Variants in POTED observed in about 807,000 individuals in gnomAD.
POTED encodes POTE ankyrin domain family member D.
A neutral mutation model predicts 19.0 loss-of-function variants in POTED; 7 were observed. The observed-to-expected ratio is 0.37, with a 90% confidence interval of 0.21 to 0.69. The LOEUF is 0.69. POTED is among the 30% of genes least tolerant of loss of function. POTED has a pLI of 0.56. For missense variants in POTED, 54 were observed against 278.5 expected (o/e 0.19, Z 5.74); for synonymous variants, 16 against 92.0 (o/e 0.17, Z 4.73).
rs1356741076 is a variant in POTED, at chr21:13,637,292, T to G, written c.1410-2223T>G. 2.8e-5 allele frequency among the ~76,000 whole-genome samples: 2 copies of G among 72,150 alleles called. 1 individual carries two copies. 47.3% of individuals were successfully genotyped at this position (72,150 alleles called of 152,430 possible). Reference sequence around the variant, plus strand: ...ACCACATCCACACCAACATCTGCTGTTTTTTTTATTTTAGTAGTGACCATT... The same window carrying G: ...ACCACATCCACACCAACATCTGCTGGTTTTTTTATTTTAGTAGTGACCATT... On this transcript the variant is annotated intron_variant, in intron 9 of 10. Transcript: ENST00000299443.
At chr21:13,637,004 A>ATATATATATATT (rs1481200854) in intron 9 of POTED, among the ~76,000 whole-genome samples, 252 of 16,470 alleles carry the variant, frequency 0.015, 78 homozygotes, top group Non-Finnish European at 0.022. Context: ...ATATATATAT[A>ATATATATATATT]TTTTTTTTTT....
rs565000593 is a variant in POTED, at chr21:13,645,154, A to C, written c.*3588A>C. Among the ~76,000 whole-genome samples the C allele has an allele frequency of 1.5e-5, 2 of 131,056 alleles. No individual in the cohort carries two copies. The highest frequency in any genetic ancestry group is 4.0e-4 in the East Asian group (2 of 5,040). 86.0% of individuals were successfully genotyped at this position (131,056 alleles called of 152,430 possible). A position where few individuals can be genotyped will look rare whatever the true frequency, so the allele number is the denominator to read the frequency against. ...CCTGAAAGAGATGAGAATGGAACCAACTTGGAAAACACATTTCAGAATATC... is the reference window on the plus strand; with the variant it reads ...CCTGAAAGAGATGAGAATGGAACCACCTTGGAAAACACATTTCAGAATATC... On this transcript the variant is annotated 3_prime_UTR_variant, in exon 11 of 11. Coordinates refer to ENST00000299443, the MANE Select transcript of POTED (RefSeq NM_174981.6).
At chr21:13,637,306 G>T in intron 9 of POTED, among the ~76,000 whole-genome samples, 1 of 70,580 alleles carries the variant, frequency 1.4e-5, no homozygotes, top group Non-Finnish European at 2.4e-5. Context: ...TTTTATTTTA[G>T]TAGTGACCAT....
rs771197788 is a variant in POTED, at chr21:13,610,546, C to T, written c.318C>T (p.Phe106=). Residue 106 remains phenylalanine (F), a synonymous_variant, in exon 1 of 11, where the codon TTC becomes TTT. Coordinates refer to ENST00000299443, the MANE Select transcript of POTED (RefSeq NM_174981.6). ...SKMGKWCCHC[F]PCCRGSGKSN... ...TGGGCAAGTGGTGCTGTCACTGCTT[C>T]CCCTGCTGCAGGGGGAGCGGCAAGA... is the stretch of plus-strand genomic sequence containing the variant. 8 of 1,078,182 alleles carry T rather than the reference C, an allele frequency of 7.4e-6. 3 individuals are homozygous for T. Among genetic ancestry groups the T allele is most frequent in the Non-Finnish European group, 9.6e-6 (8 of 832,060 alleles). The allele number at this position is 1,078,182 out of a possible 1,614,324, so 66.8% of individuals were successfully genotyped here.
rs149752065 is a variant in POTED at position 13,645,103 on chromosome 21, G to A, written c.*3537G>A. Among the ~76,000 whole-genome samples, 485 of 127,234 alleles carry A rather than the reference G, an allele frequency of 3.8e-3. 110 individuals are homozygous for A. Among genetic ancestry groups the A allele is most frequent in the African/African-American group, 0.016 (472 of 29,766 alleles). The allele number at this position is 127,234 out of a possible 152,430, so 83.5% of individuals were successfully genotyped here. On this transcript the variant is annotated 3_prime_UTR_variant, in exon 11 of 11. Transcript: ENST00000299443. ...CTGAGATATATGGGATTATATAAAC[G>A]ACCAAATCTATGACTGATTAATGTA...
Position 13,631,167 on chromosome 21 carries a change from T to G in POTED, c.1409+60T>G, listed in dbSNP as rs1332492925. The G allele has an allele frequency of 2.7e-6, 2 of 748,312 alleles. 1 individual carries two copies. Among genetic ancestry groups the G allele is most frequent in the Non-Finnish European group, 3.7e-6 (2 of 543,944 alleles). 46.4% of individuals were successfully genotyped at this position (748,312 alleles called of 1,614,324 possible). A position where few individuals can be genotyped will look rare whatever the true frequency, so the allele number is the denominator to read the frequency against. The stretch of plus-strand genomic sequence containing the variant: ...ATATGCTGTCAAACTAATCTTAATT[T>G]GGGCTAATATTCATGATGAACAAAT... On this transcript the variant is annotated intron_variant, in intron 9 of 10. Coordinates refer to ENST00000299443, the MANE Select transcript of POTED (RefSeq NM_174981.6).
At chr21:13,634,327 G>T (rs1310372420) in intron 9 of POTED, among the ~76,000 whole-genome samples, 1 of 82,490 alleles carries the variant, frequency 1.2e-5, no homozygotes, top group Non-Finnish European at 2.2e-5. Flanking sequence ...GGAATTGATA[G>T]TCCTGGTTTT....
rs1491152956 is a variant in POTED, at chr21:13,637,005, T to TATATATATATATATATATATA, written c.1410-2510_1410-2509insATATATATATATATATATATA. 3.9e-3 allele frequency among the ~76,000 whole-genome samples: 48 copies of TATATATATATATATATATATA among 12,316 alleles called. 1 individual carries two copies. Among genetic ancestry groups the TATATATATATATATATATATA allele is most frequent in the Non-Finnish European group, 5.3e-3 (38 of 7,216 alleles). 8.1% of individuals were successfully genotyped at this position (12,316 alleles called of 152,430 possible). The stretch of plus-strand genomic sequence containing the variant: ...ACCCAGTCTCAGGTATATATATATA[T>TATATATATATATATATATATA]TTTTTTTTTTTTTTCTTTATTCCAC... On this transcript the variant is annotated intron_variant, in intron 9 of 10. Transcript: ENST00000299443.
intron 9 of POTED, among the ~76,000 whole-genome samples, chr21:13,637,636 C>A (rs1338993007): frequency 2.7e-5 from 2 of 73,500 alleles, no homozygotes; most frequent in Non-Finnish European, 4.7e-5. Flanking sequence ...TTAATTAGGT[C>A]TTTATTTATT....
chr21:13,635,225 TTTGA>T lies in POTED; in HGVS notation c.1409+4121_1409+4124del, dbSNP rs544651178. 3.6e-3 allele frequency among the ~76,000 whole-genome samples: 273 copies of T among 75,846 alleles called. 119 individuals are homozygous for T. The highest frequency in any genetic ancestry group is 0.028 in the African/African-American group (265 of 9,486). The allele number at this position is 75,846 out of a possible 152,430, so 49.8% of individuals were successfully genotyped here. A position where few individuals can be genotyped will look rare whatever the true frequency, so the allele number is the denominator to read the frequency against. ...AAGGGAGTTTATCCTGGATATATTG[TTTGA>T]TTAATTCTCACTTTAAAAATGTTTG... On this transcript the variant is annotated intron_variant, in intron 9 of 10. Coordinates refer to ENST00000299443, the MANE Select transcript of POTED (RefSeq NM_174981.6).
rs1568899672 is a variant in POTED at position 13,640,551 on chromosome 21, T to TG, written c.1534-794_1534-793insG. Among the ~76,000 whole-genome samples the TG allele has an allele frequency of 2.8e-3, 205 of 72,492 alleles. 70 individuals are homozygous for TG. Among genetic ancestry groups the TG allele is most frequent in the African/African-American group, 0.019 (182 of 9,696 alleles). 47.6% of individuals were successfully genotyped at this position (72,492 alleles called of 152,430 possible). On this transcript the variant is annotated intron_variant, in intron 10 of 10. Transcript: ENST00000299443. ...GTGTGTGTGTGTGTGTGTGTGTGTG[T>TG]TTGTGTGTGTGTATTCTAGATGGAG...
intron 6 of POTED, among the ~76,000 whole-genome samples, chr21:13,627,456 A>T (rs57463508): frequency 1.0e-5 from 1 of 98,594 alleles, no homozygotes. Flanking sequence ...AAAAAAACAA[A>T]AAAAAAAAAG....
chr21:13,643,448 AAAG>A lies in POTED; in HGVS notation c.*1883_*1885del, dbSNP rs2011288916. Among the ~76,000 whole-genome samples the A allele has an allele frequency of 2.8e-5, 2 of 70,620 alleles. 1 individual carries two copies. Among genetic ancestry groups the A allele is most frequent in the Non-Finnish European group, 4.9e-5 (2 of 41,210 alleles). 46.3% of individuals were successfully genotyped at this position (70,620 alleles called of 152,430 possible). On this transcript the variant is annotated 3_prime_UTR_variant, in exon 11 of 11. Coordinates refer to ENST00000299443, the MANE Select transcript of POTED (RefSeq NM_174981.6). ...CAGGTCTAAGAGTTCTCTTCGTAAA[AAAG>A]GGGACTTGCTTAAAAAAGAAGTCTG...
At chr21:13,613,948 C>T (rs1433946771) in intron 1 of POTED, among the ~76,000 whole-genome samples, 1 of 96,076 alleles carries the variant, frequency 1.0e-5, no homozygotes, top group African/African-American at 5.0e-5. Context: ...AGGAAAGAAG[C>T]AGGAAATAGA....
chr21:13,634,389 T>C (rs1244045440), intron 9 of POTED, among the ~76,000 whole-genome samples: 1 of 82,264 alleles, frequency 1.2e-5, no homozygotes, highest in Non-Finnish European at 2.2e-5. Flanking sequence ...ATTTAAAGCA[T>C]AAGTCAAATT....
At position 13,610,882 on chromosome 21, in the gene POTED, A is replaced by T; in HGVS notation, c.521+133A>T. 4.0e-6 allele frequency: 3 copies of T among 752,722 alleles called. 1 individual carries two copies. The highest frequency in any genetic ancestry group is 5.3e-6 in the Non-Finnish European group (3 of 567,136). 46.6% of individuals were successfully genotyped at this position (752,722 alleles called of 1,614,324 possible). ...ACACCACCCTGGGTGTGGAAACCTC[A>T]GAGAGGTCAGGGCCCAGGTCCCTTT... is the stretch of plus-strand genomic sequence containing the variant. On this transcript the variant is annotated intron_variant, in intron 1 of 10. Transcript: ENST00000299443.
intron 9 of POTED, among the ~76,000 whole-genome samples, chr21:13,637,910 C>G (rs1289603556): frequency 5.4e-5 from 1 of 18,480 alleles, no homozygotes; most frequent in Non-Finnish European, 8.2e-5. Context: ...TGTAAGTGGC[C>G]TTTTTTCTGA....
chr21:13,645,103 G>T lies in POTED; in HGVS notation c.*3537G>T, dbSNP rs149752065. ...CTGAGATATATGGGATTATATAAACGACCAAATCTATGACTGATTAATGTA... is the reference window on the plus strand; with the variant it reads ...CTGAGATATATGGGATTATATAAACTACCAAATCTATGACTGATTAATGTA... On this transcript the variant is annotated 3_prime_UTR_variant, in exon 11 of 11. Coordinates refer to ENST00000299443, the MANE Select transcript of POTED (RefSeq NM_174981.6). Among the ~76,000 whole-genome samples, 2 of 127,152 alleles carry T rather than the reference G, an allele frequency of 1.6e-5. 1 individual carries two copies. Among genetic ancestry groups the T allele is most frequent in the East Asian group, 4.0e-4 (2 of 4,970 alleles). 83.4% of individuals were successfully genotyped at this position (127,152 alleles called of 152,430 possible). A position where few individuals can be genotyped will look rare whatever the true frequency, so the allele number is the denominator to read the frequency against.
At chr21:13,640,584 C>G (rs1601489395) in intron 10 of POTED, among the ~76,000 whole-genome samples, 1 of 74,802 alleles carries the variant, frequency 1.3e-5, no homozygotes. Context: ...GAGTCTTGCA[C>G]TGTCACCCAC....
Sources: allele counts gnomAD v4.1 joint callset (sites outside exome capture counted in the v4.1 genomes callset), GRCh38; gene constraint gnomAD v4.1.1; transcripts MANE v1.5; gene names NCBI Gene and HGNC (gene_info 2026-07-23, HGNC 2026-07-21).